Variants in PC observed in about 807,000 individuals in gnomAD.
PC encodes the protein pyruvate carboxylase, mitochondrial.
In PC, 46 loss-of-function variants were observed where a neutral mutation model predicts 107.8. The observed-to-expected ratio is 0.43, with a 90% CI of 0.34 to 0.55. The LOEUF (loss-of-function observed/expected upper bound fraction) is 0.55, where lower values mean the gene tolerates loss of function less well. Among genes scored for constraint, PC ranks in the 20% least tolerant of loss-of-function variants. PC has a pLI of 0.04. For synonymous variants in PC, 662 were observed against 684.7 expected (o/e 0.97, Z 0.52); for missense variants, 1,241 against 1,643.1 (o/e 0.76, Z 4.23).
At position 66,858,484 on chromosome 11, in the gene PC, G is replaced by A; in HGVS notation, c.1369-5101C>T. 1 of 1,540,572 alleles carries A rather than the reference G, an allele frequency of 6.5e-7. No individual in the cohort carries two copies. The highest frequency in any genetic ancestry group is 8.7e-7 in the Non-Finnish European group (1 of 1,149,482). ...AACTGTGAGCTGCTGTGGCTGCGGC[G>A]GCTGGCGCGGCCGGACGACCTGGAA... On this transcript the variant is annotated intron_variant, in intron 12 of 22. Coordinates refer to ENST00000393960, the MANE Select transcript of PC (RefSeq NM_001040716.2). This position sits in a 1 kb window ranked among gnomAD's most constrained non-coding sequence, Gnocchi z 5.9.
At chr11:66,935,691 T>C (rs1304557291) in intron 3 of PC, among the ~76,000 whole-genome samples, 1 of 152,084 alleles carries the variant, frequency 6.6e-6, no homozygotes, top group Non-Finnish European at 1.5e-5. Context: ...CTATAACTCT[T>C]CCTAGTGAAG....
chr11:66,950,651 T>A (rs1468275669), intron 3 of PC, among the ~76,000 whole-genome samples: 1 of 152,142 alleles, frequency 6.6e-6, no homozygotes, highest in African/African-American at 2.4e-5. Context: ...ACAAATTACA[T>A]AACCTGGAAG....
chr11:66,880,962 C>T (rs1321349436), intron 3 of PC, among the ~76,000 whole-genome samples: 1 of 152,252 alleles, frequency 6.6e-6, no homozygotes, highest in Non-Finnish European at 1.5e-5. Flanking sequence ...AGCCGCAACT[C>T]TTCAAGGGAG....
At chr11:66,849,407 A>G (rs1033650744) in intron 21 of PC, 37 bp from the exon 22 acceptor site, 22 of 1,610,696 alleles carry the variant, frequency 1.4e-5, no homozygotes, top group Admixed American at 1.7e-5. Context: ...GCTGGACGCC[A>G]AGGTGGGAGA....
In PC at chr11:66,944,223, G is replaced by C. The variant is rs1949231699; in HGVS notation, c.-1+8207C>G. Among the ~76,000 whole-genome samples, 3 of 116,140 alleles carry C rather than the reference G, an allele frequency of 2.6e-5. 1 individual carries two copies. Among genetic ancestry groups the C allele is most frequent in the Non-Finnish European group, 5.7e-5 (3 of 52,276 alleles). The allele number at this position is 116,140 out of a possible 152,430, so 76.2% of individuals were successfully genotyped here. ...ATGAACTCAGGAGGAGAAGCTTGCAGTGAGCCGAGATTGCACCACTGCACT... is the reference window on the plus strand; with the variant it reads ...ATGAACTCAGGAGGAGAAGCTTGCACTGAGCCGAGATTGCACCACTGCACT... On this transcript the variant is annotated intron_variant, in intron 3 of 22. Transcript: ENST00000393960.
At chr11:66,891,861 A>G (rs1183238449) in intron 3 of PC, among the ~76,000 whole-genome samples, 2 of 152,162 alleles carry the variant, frequency 1.3e-5, no homozygotes, top group African/African-American at 4.8e-5. Context: ...AAATGGTATC[A>G]TTTTAATTTT....
rs112719219 is a variant in PC, at chr11:66,871,148, C to A, written c.537G>T (p.Glu179Asp). The change falls in exon 7 of 23, where the codon GAG becomes GAT. Residue 179 changes from glutamate (E) to aspartate (D), a missense_variant. This residue lies in a region of PC where 1,143 missense variants were observed against 1,551.9 expected (regional missense o/e 0.74). Coordinates refer to ENST00000393960, the MANE Select transcript of PC (RefSeq NM_001040716.2). This position sits in a 1 kb window ranked among gnomAD's most constrained non-coding sequence, Gnocchi z 7.4. ...CGTAGGTGTTGGAGAACTCGTGGGC[C>A]TCATGCAGGGACGTGATGGGGGCAT... ...GTDAPITSLHEAHEFSNTYGF... is the reference protein window; with the variant it reads ...GTDAPITSLHDAHEFSNTYGF... 1 of 1,613,884 alleles carries A rather than the reference C, an allele frequency of 6.2e-7. No homozygotes were observed. The highest frequency in any genetic ancestry group is 2.2e-5 in the East Asian group (1 of 44,864).
At chr11:66,925,856 C>T (rs554721324) in intron 3 of PC, among the ~76,000 whole-genome samples, 19 of 151,520 alleles carry the variant, frequency 1.3e-4, no homozygotes, top group Admixed American at 3.9e-4. Flanking sequence ...AATTTATGTT[C>T]TTCTGCCATG....
At position 66,849,958 on chromosome 11, in the gene PC, G is replaced by A; in HGVS notation, c.2877C>T (p.Phe959=). The change falls in exon 20 of 23, where the codon TTC becomes TTT. Residue 959 remains phenylalanine (F), a synonymous_variant. Coordinates refer to ENST00000393960, the MANE Select transcript of PC (RefSeq NM_001040716.2). ...QGYIGVPHGG[F]PEPFRSKVLK... is the part of the protein sequence containing the mutation. The stretch of plus-strand genomic sequence containing the variant: ...CTACCTTAGAGCGAAAGGGTTCGGG[G>A]AACCCCCCATGGGGGACACCGATGT... The A allele has an allele frequency of 6.2e-7, 1 of 1,613,560 alleles. No homozygotes were observed. Among genetic ancestry groups the A allele is most frequent in the South Asian group, 1.1e-5 (1 of 91,084 alleles).
chr11:66,883,941 A>G (rs922207185), intron 3 of PC, among the ~76,000 whole-genome samples: 2 of 151,984 alleles, frequency 1.3e-5, no homozygotes, highest in Non-Finnish European at 2.9e-5. Context: ...TAAAAAAAAA[A>G]CTTTTTAAAA....
Position 66,851,959 on chromosome 11 carries a change from CGA to C in PC, c.1826-15_1826-14del. ...TCAAACGTGGCTCCTGCACAGGAAC[CGA>C]GAGGCCCAGATCAGCTCTGCATGCC... On this transcript the variant is annotated splice_polypyrimidine_tract_variant and intron_variant, in intron 15 of 22. Coordinates refer to ENST00000393960, the MANE Select transcript of PC (RefSeq NM_001040716.2). The C allele has an allele frequency of 6.2e-7, 1 of 1,613,378 alleles. No homozygotes were observed. Among genetic ancestry groups the C allele is most frequent in the South Asian group, 1.1e-5 (1 of 91,034 alleles).
In PC at chr11:66,954,005, A is replaced by G. The variant is rs556077692; in HGVS notation, c.-40+244T>C. On this transcript the variant is annotated intron_variant, in intron 2 of 22. Coordinates refer to ENST00000393960, the MANE Select transcript of PC (RefSeq NM_001040716.2). ...CAGTAGTTGACTTTTATTATTAATA[A>G]CAATAAATCATTACTTATCATCATC... Among the ~76,000 whole-genome samples, 23 of 152,340 alleles carry G rather than the reference A, an allele frequency of 1.5e-4. No individual in the cohort carries two copies. In the East Asian group the frequency reaches 4.2e-3, roughly 28 times the overall value.
At position 66,879,308 on chromosome 11, in the gene PC, C is replaced by A. The variant is rs147272081; in HGVS notation, c.1-7149G>T. On this transcript the variant is annotated intron_variant, in intron 3 of 22. Transcript: ENST00000393960. ...CATAGGGGAGCCAGCAGGTGTGATG[C>A]CCACATACACTTGGAGCAAACACAC... Among the ~76,000 whole-genome samples, 135 of 152,370 alleles carry A rather than the reference C, an allele frequency of 8.9e-4. 1 individual carries two copies. The highest frequency in any genetic ancestry group is 3.1e-3 in the African/African-American group (127 of 41,598).
chr11:66,853,228 T>G lies in PC; in HGVS notation c.1513+11A>C, dbSNP rs771400651. ...GAGGGGAGGGCAGGGCAGGGCAGTC[T>G]CGGGCCAGACCGAGGTAGTGCAACA... On this transcript the variant is annotated intron_variant, in intron 13 of 22. Transcript: ENST00000393960. 1 of 1,613,236 alleles carries G rather than the reference T, an allele frequency of 6.2e-7. No individual in the cohort carries two copies. Among genetic ancestry groups the G allele is most frequent in the Non-Finnish European group, 8.5e-7 (1 of 1,179,622 alleles).
intron 1 of PC, among the ~76,000 whole-genome samples, chr11:66,955,218 G>A (rs1311752779): frequency 1.3e-5 from 2 of 152,216 alleles, no homozygotes; most frequent in Non-Finnish European, 2.9e-5. Flanking sequence ...AGAGGACAGA[G>A]GGAAGAGGGA....
intron 16 of PC, 111 bp from the exon 17 acceptor site, chr11:66,851,391 G>A (rs1037483500): frequency 1.9e-5 from 28 of 1,480,204 alleles, no homozygotes; most frequent in Non-Finnish European, 2.3e-5. Flanking sequence ...AGATCTGAGG[G>A]TCTCGCCTGG....
chr11:66,939,597 G>C (rs1949073911), intron 3 of PC, among the ~76,000 whole-genome samples: 1 of 152,064 alleles, frequency 6.6e-6, no homozygotes, highest in African/African-American at 2.4e-5. Context: ...CTGAGGTCAG[G>C]AGTTTGAGAC....
chr11:66,893,411 A>G (rs1264748120), intron 3 of PC, among the ~76,000 whole-genome samples: 1 of 152,086 alleles, frequency 6.6e-6, no homozygotes, highest in Admixed American at 6.5e-5. Context: ...TGCCTACAGA[A>G]CCCAAATAAA....
At chr11:66,956,769 G>A (rs1328395134) in intron 1 of PC, among the ~76,000 whole-genome samples, 1 of 152,168 alleles carries the variant, frequency 6.6e-6, no homozygotes, top group Non-Finnish European at 1.5e-5. Context: ...TCTCGCTTTA[G>A]TGTGTGGTTT....
Sources: gnomAD v4.1 joint callset for allele counts (sites outside exome capture counted in the v4.1 genomes callset) on GRCh38, gnomAD v4.1.1 for gene constraint, gnomAD v4.1.1 regional missense constraint, Gnocchi (gnomAD v3.1) non-coding constraint, MANE v1.5 for transcripts, NCBI Gene and HGNC (gene_info 2026-07-23, HGNC 2026-07-21) for gene names.